The following OR52I1 variants were observed in gnomAD, a reference collection of about 807,000 sequenced individuals.
The protein encoded by OR52I1 is olfactory receptor 52I1.
For missense variants in OR52I1, 342 were observed against 399.1 expected (o/e 0.86, Z 1.22); for synonymous variants, 148 against 152.4 (o/e 0.97, Z 0.21).
Position 4,594,380 on chromosome 11 carries a change from G to A in OR52I1, c.342G>A (p.Val114=), listed in dbSNP as rs951397658. The change falls in exon 1 of 1, where the codon GTG becomes GTA. Residue 114 remains valine (V), a synonymous_variant. Transcript: ENST00000530443. ...TTTTTGTCCACTTAGCCACAGCTGT[G>A]GAGACGGGGCTGCTGCTGACCATGG... is the stretch of plus-strand genomic sequence containing the variant. The part of the protein sequence containing the change: ...QMFFVHLATA[V]ETGLLLTMAF... 6.2e-7 allele frequency: 1 copy of A among 1,613,616 alleles called. No homozygotes were observed. Among genetic ancestry groups the A allele is most frequent in the Non-Finnish European group, 8.5e-7 (1 of 1,180,006 alleles).
chr11:4,594,514 T>C lies in OR52I1; in HGVS notation c.476T>C (p.Phe159Ser), dbSNP rs367735911. Residue 159 changes from phenylalanine to serine, a missense_variant, in exon 1 of 1, where the codon TTC becomes TCC. Phe to Ser is a radical substitution (Grantham distance 155). Transcript: ENST00000530443. Reference sequence around the variant, plus strand: ...GCCGTCACCATCAGAGCTGTCACATTCATGACTCCACTGAGTTGGATGATG... The same window carrying C: ...GCCGTCACCATCAGAGCTGTCACATCCATGACTCCACTGAGTTGGATGATG... ...SMAVTIRAVT[F>S]MTPLSWMMNH... 1.9e-6 allele frequency: 3 copies of C among 1,614,098 alleles called. No individual in the cohort carries two copies. The highest frequency in any genetic ancestry group is 1.7e-5 in the Admixed American group (1 of 60,010).
At position 4,595,011 on chromosome 11, in the gene OR52I1, T is replaced by C. The variant is rs189916690; in HGVS notation, c.973T>C (p.Ter325ArgextTer?). 28 of 1,611,718 alleles carry C rather than the reference T, an allele frequency of 1.7e-5. No homozygotes were observed. In the Admixed American group the frequency reaches 3.5e-4, roughly 20 times the overall value. Residue 325 changes from the stop codon to arginine (R), a stop_lost, in exon 1 of 1, where the codon TGA becomes CGA. Transcript: ENST00000530443. ...CTTTGACCACTCCAACCTGGGTTCATGAACACAATATCTGTTCAGATCCAG... is the reference window on the plus strand; with the variant it reads ...CTTTGACCACTCCAACCTGGGTTCACGAACACAATATCTGTTCAGATCCAG... Reference protein sequence around the residue: ...FLFDHSNLGS* With the variant: ...FLFDHSNLGSR
In OR52I1 at chr11:4,594,873, G is replaced by C; in HGVS notation, c.835G>C (p.Val279Leu). 1 of 1,614,240 alleles carries C rather than the reference G, an allele frequency of 6.2e-7. No individual in the cohort carries two copies. Among genetic ancestry groups the C allele is most frequent in the South Asian group, 1.1e-5 (1 of 91,090 alleles). Reference sequence around the variant, plus strand: ...GGATATAGTGCCCTTGCACACCCAAGTGCTGCTAGCTGACCTGTACGTGAT... The same window carrying C: ...GGATATAGTGCCCTTGCACACCCAACTGCTGCTAGCTGACCTGTACGTGAT... Reference protein sequence around the residue: ...GQDIVPLHTQVLLADLYVIIP... With the variant: ...GQDIVPLHTQLLLADLYVIIP... Residue 279 changes from valine (V) to leucine (L), a missense_variant, in exon 1 of 1, where the codon GTG (valine) becomes CTG (leucine). Val to Leu is a conservative substitution (Grantham distance 32). Coordinates refer to ENST00000530443, the MANE Select transcript of OR52I1 (RefSeq NM_001005169.1).
chr11:4,594,603 G>T lies in OR52I1; in HGVS notation c.565G>T (p.Ala189Ser). 6.2e-7 allele frequency: 1 copy of T among 1,614,218 alleles called. No homozygotes were observed. Among genetic ancestry groups the T allele is most frequent in the South Asian group, 1.1e-5 (1 of 91,088 alleles). ...CTCCTACTGTAAGCACATAGCTTTG[G>T]CCAGGTTAGCATGTGCTGACCCCGT... ...VHSYCKHIAL[A>S]RLACADPVPS... The change falls in exon 1 of 1, where the codon GCC becomes TCC. Residue 189 changes from alanine (A) to serine (S), a missense_variant. Transcript: ENST00000530443.
rs56095500 is a variant in OR52I1, at chr11:4,594,386, G to A, written c.348G>A (p.Thr116=). 412 of 1,614,128 alleles carry A rather than the reference G, an allele frequency of 2.6e-4. No homozygotes were observed. The highest frequency in any genetic ancestry group is 3.1e-4 in the Non-Finnish European group (363 of 1,180,010). Residue 116 remains threonine, a synonymous_variant, in exon 1 of 1, where the codon ACG becomes ACA. Coordinates refer to ENST00000530443, the MANE Select transcript of OR52I1 (RefSeq NM_001005169.1). ...FFVHLATAVE[T]GLLLTMAFDR... ...TCCACTTAGCCACAGCTGTGGAGAC[G>A]GGGCTGCTGCTGACCATGGCTTTTG...
Position 4,594,082 on chromosome 11 carries a change from C to T in OR52I1, c.44C>T (p.Ser15Phe). The T allele has an allele frequency of 1.2e-6, 2 of 1,614,158 alleles. No individual in the cohort carries two copies. The highest frequency in any genetic ancestry group is 1.1e-5 in the South Asian group (1 of 91,074). The change falls in exon 1 of 1, where the codon TCC becomes TTC. Residue 15 changes from serine (S) to phenylalanine (F), a missense_variant. Physicochemically the swap from Ser to Phe is radical, Grantham distance 155 (BLOSUM62 -2). Coordinates refer to ENST00000530443, the MANE Select transcript of OR52I1 (RefSeq NM_001005169.1). ...AYNHTMETPA[S>F]FLLVGIPGLQ... ...AACCACACAATGGAAACCCCTGCCT[C>T]CTTCCTCCTTGTGGGTATCCCAGGA...
chr11:4,594,191 T>G lies in OR52I1; in HGVS notation c.153T>G (p.Thr51=). The part of the protein sequence containing the change: ...TALLGNTLIV[T]AIWMDSTRHE... Reference sequence around the variant, plus strand: ...TGTTAGGAAACACCCTCATCGTGACTGCAATCTGGATGGATTCCACTCGGC... The same window carrying G: ...TGTTAGGAAACACCCTCATCGTGACGGCAATCTGGATGGATTCCACTCGGC... Residue 51 remains threonine, a synonymous_variant, in exon 1 of 1, where the codon ACT becomes ACG. Transcript: ENST00000530443. 1 of 1,614,106 alleles carries G rather than the reference T, an allele frequency of 6.2e-7. No individual in the cohort carries two copies. The highest frequency in any genetic ancestry group is 8.5e-7 in the Non-Finnish European group (1 of 1,180,002).
chr11:4,594,743 G>C lies in OR52I1; in HGVS notation c.705G>C (p.Lys235Asn). ...ILRAVFDLSS[K>N]TAQLKALSTC... ...GGGCAGTATTTGATCTCTCCTCAAA[G>C]ACTGCTCAGTTGAAAGCATTAAGCA... Residue 235 changes from lysine to asparagine, a missense_variant, in exon 1 of 1, where the codon AAG (lysine) becomes AAC (asparagine). Coordinates refer to ENST00000530443, the MANE Select transcript of OR52I1 (RefSeq NM_001005169.1). 1 of 1,614,096 alleles carries C rather than the reference G, an allele frequency of 6.2e-7. No individual in the cohort carries two copies. The highest frequency in any genetic ancestry group is 1.1e-5 in the South Asian group (1 of 91,086).
chr11:4,594,277 C>T lies in OR52I1; in HGVS notation c.239C>T (p.Ser80Phe), dbSNP rs181769683. The change falls in exon 1 of 1, where the codon TCC becomes TTC. Residue 80 changes from serine to phenylalanine, a missense_variant. Ser to Phe is a radical substitution (Grantham distance 155, BLOSUM62 -2). Coordinates refer to ENST00000530443, the MANE Select transcript of OR52I1 (RefSeq NM_001005169.1). ...GCTGTGGACATTGTTATGGCCTCCT[C>T]CGTGGTACCCAAGATGGTGAGCATC... Reference protein sequence around the residue: ...LAAVDIVMASSVVPKMVSIFC... With the variant: ...LAAVDIVMASFVVPKMVSIFC... The T allele has an allele frequency of 9.0e-5, 145 of 1,614,074 alleles. 1 individual carries two copies. Among genetic ancestry groups the T allele is most frequent in the Non-Finnish European group, 1.8e-5 (21 of 1,180,004 alleles).
Position 4,594,522 on chromosome 11 carries a change from C to T in OR52I1, c.484C>T (p.Pro162Ser), listed in dbSNP as rs1589845609. The T allele has an allele frequency of 6.2e-7, 1 of 1,614,206 alleles. No homozygotes were observed. The highest frequency in any genetic ancestry group is 8.5e-7 in the Non-Finnish European group (1 of 1,180,036). Residue 162 changes from proline to serine, a missense_variant, in exon 1 of 1, where the codon CCA (proline) becomes TCA (serine). By Grantham distance (74) the Pro-to-Ser change is moderately conservative (BLOSUM62 -1). Transcript: ENST00000530443. ...CATCAGAGCTGTCACATTCATGACT[C>T]CACTGAGTTGGATGATGAATCATCT... ...VTIRAVTFMT[P>S]LSWMMNHLPF...
Position 4,595,012 on chromosome 11 carries a change from G to A in OR52I1, c.974G>A (p.Ter325=), listed in dbSNP as rs1338270292. ...TTTGACCACTCCAACCTGGGTTCATGAACACAATATCTGTTCAGATCCAGA... is the reference window on the plus strand; with the variant it reads ...TTTGACCACTCCAACCTGGGTTCATAAACACAATATCTGTTCAGATCCAGA... ...FLFDHSNLGS[*] is the part of the protein sequence containing the mutation. The change falls in exon 1 of 1, where the codon TGA becomes TAA. Residue 325 remains the stop codon, a stop_retained_variant. Coordinates refer to ENST00000530443, the MANE Select transcript of OR52I1 (RefSeq NM_001005169.1). The A allele has an allele frequency of 6.2e-7, 1 of 1,611,368 alleles. No individual in the cohort carries two copies. The highest frequency in any genetic ancestry group is 2.2e-5 in the East Asian group (1 of 44,870).
At position 4,594,815 on chromosome 11, in the gene OR52I1, G is replaced by C; in HGVS notation, c.777G>C (p.Gly259=). Reference sequence around the variant, plus strand: ...TTATGGCTTTGTACTATCTACCTGGGATGGCATCCATCTATGCGGCCTGGT... The same window carrying C: ...TTATGGCTTTGTACTATCTACCTGGCATGGCATCCATCTATGCGGCCTGGT... The part of the protein sequence containing the change: ...VGVMALYYLP[G]MASIYAAWLG... The change falls in exon 1 of 1, where the codon GGG becomes GGC. Residue 259 remains glycine (G), a synonymous_variant. Transcript: ENST00000530443. 6.2e-7 allele frequency: 1 copy of C among 1,614,192 alleles called. No homozygotes were observed. The highest frequency in any genetic ancestry group is 8.5e-7 in the Non-Finnish European group (1 of 1,180,038).
Position 4,594,792 on chromosome 11 carries a change from A to G in OR52I1, c.754A>G (p.Met252Val), listed in dbSNP as rs1430645373. ...CACATGTGGCTCCCATGTGGGGGTT[A>G]TGGCTTTGTACTATCTACCTGGGAT... ...LSTCGSHVGV[M>V]ALYYLPGMAS... The change falls in exon 1 of 1, where the codon ATG becomes GTG. Residue 252 changes from methionine to valine, a missense_variant. Transcript: ENST00000530443. 1 of 1,614,190 alleles carries G rather than the reference A, an allele frequency of 6.2e-7. No individual in the cohort carries two copies. The highest frequency in any genetic ancestry group is 2.2e-5 in the East Asian group (1 of 44,880).
At position 4,594,095 on chromosome 11, in the gene OR52I1, G is replaced by A. The variant is rs1846375330; in HGVS notation, c.57G>A (p.Val19=). 1 of 1,613,992 alleles carries A rather than the reference G, an allele frequency of 6.2e-7. No homozygotes were observed. The highest frequency in any genetic ancestry group is 1.6e-4 in the Middle Eastern group (1 of 6,084). The change falls in exon 1 of 1, where the codon GTG becomes GTA. Residue 19 remains valine (V), a synonymous_variant. Coordinates refer to ENST00000530443, the MANE Select transcript of OR52I1 (RefSeq NM_001005169.1). The part of the protein sequence containing the change: ...TMETPASFLL[V]GIPGLQSSHL... ...AAACCCCTGCCTCCTTCCTCCTTGT[G>A]GGTATCCCAGGACTGCAATCTTCAC...
In OR52I1 at chr11:4,594,282, G is replaced by A. The variant is rs1234921771; in HGVS notation, c.244G>A (p.Val82Ile). 1 of 1,613,958 alleles carries A rather than the reference G, an allele frequency of 6.2e-7. No individual in the cohort carries two copies. Among genetic ancestry groups the A allele is most frequent in the African/African-American group, 1.3e-5 (1 of 74,866 alleles). Residue 82 changes from valine (V) to isoleucine (I), a missense_variant, in exon 1 of 1, where the codon GTA becomes ATA. By Grantham distance (29) the Val-to-Ile change is conservative (BLOSUM62 3). Coordinates refer to ENST00000530443, the MANE Select transcript of OR52I1 (RefSeq NM_001005169.1). ...AVDIVMASSV[V>I]PKMVSIFCSG... ...GGACATTGTTATGGCCTCCTCCGTG[G>A]TACCCAAGATGGTGAGCATCTTCTG... is the stretch of plus-strand genomic sequence containing the variant.
At position 4,594,347 on chromosome 11, in the gene OR52I1, TC is replaced by T; in HGVS notation, c.310del (p.Gln104ArgfsTer7). 6.2e-7 allele frequency: 1 copy of T among 1,614,188 alleles called. No individual in the cohort carries two copies. The highest frequency in any genetic ancestry group is 8.5e-7 in the Non-Finnish European group (1 of 1,180,026). On this transcript the variant is annotated frameshift_variant, in exon 1 of 1. Transcript: ENST00000530443. LOFTEE classifies it low-confidence loss of function (END_TRUNC). ...CCATCAGCTTTAGTGCTTGTTTCAC[TC>T]AGATGTTTTTTGTCCACTTAGCCAC... ...SSISFSACFT[Q>X]MFFVHLATAV...
Position 4,594,440 on chromosome 11 carries a change from A to G in OR52I1, c.402A>G (p.Leu134=). The change falls in exon 1 of 1, where the codon CTA becomes CTG. Residue 134 remains leucine (L), a synonymous_variant. Coordinates refer to ENST00000530443, the MANE Select transcript of OR52I1 (RefSeq NM_001005169.1). ...GCTATGTAGCCATCTGCAAGCCTCT[A>G]CACTACAAGAGAATTCTCACGCCTC... ...FDRYVAICKP[L]HYKRILTPQV... 1 of 1,614,136 alleles carries G rather than the reference A, an allele frequency of 6.2e-7. No individual in the cohort carries two copies. Among genetic ancestry groups the G allele is most frequent in the Non-Finnish European group, 8.5e-7 (1 of 1,180,030 alleles).
rs369228084 is a variant in OR52I1 at position 4,594,930 on chromosome 11, G to A, written c.892G>A (p.Gly298Ser). ...IPATLNPIIY[G>S]MRTKQLLEGI... Reference sequence around the variant, plus strand: ...AGCCACTTTAAATCCCATCATCTATGGCATGAGGACCAAACAATTGCTGGA... The same window carrying A: ...AGCCACTTTAAATCCCATCATCTATAGCATGAGGACCAAACAATTGCTGGA... The change falls in exon 1 of 1, where the codon GGC (glycine) becomes AGC (serine). Residue 298 changes from glycine (G) to serine (S), a missense_variant. Coordinates refer to ENST00000530443, the MANE Select transcript of OR52I1 (RefSeq NM_001005169.1). The A allele has an allele frequency of 9.9e-6, 16 of 1,614,064 alleles. No individual in the cohort carries two copies. The East Asian group carries it at 3.6e-4, about 36-fold the overall frequency.
chr11:4,594,713 T>A lies in OR52I1; in HGVS notation c.675T>A (p.Ile225=). 2 of 1,614,144 alleles carry A rather than the reference T, an allele frequency of 1.2e-6. No individual in the cohort carries two copies. The highest frequency in any genetic ancestry group is 1.7e-6 in the Non-Finnish European group (2 of 1,179,962). Residue 225 remains isoleucine, a synonymous_variant, in exon 1 of 1, where the codon ATT becomes ATA. Coordinates refer to ENST00000530443, the MANE Select transcript of OR52I1 (RefSeq NM_001005169.1). ...TCATTGCTGCCTCCTATATCTTAAT[T>A]CTCAGGGCAGTATTTGATCTCTCCT... ...VAFIAASYIL[I]LRAVFDLSSK...
Sources: allele counts gnomAD v4.1 joint callset, GRCh38; gene constraint gnomAD v4.1.1; transcripts MANE v1.5; gene names NCBI Gene and HGNC (gene_info 2026-07-23, HGNC 2026-07-21).